Variants in HACL1 observed in about 807,000 individuals in gnomAD.
HACL1 encodes the protein 2-hydroxyacyl-CoA lyase 1.
HACL1 carries 64 observed loss-of-function variants against 74.2 expected under a neutral mutation model. That is an observed-to-expected ratio of 0.86 (90% confidence interval 0.70 to 1.06). HACL1 has a LOEUF of 1.06. HACL1 is among the 50% of genes least tolerant of loss of function. The pLI, the probability that HACL1 is intolerant of heterozygous loss-of-function variation, is 0.00. For synonymous variants in HACL1, 230 were observed against 238.8 expected, an observed-to-expected ratio of 0.96 and a Z score of 0.34; for missense variants, 728 against 719.7, an observed-to-expected ratio of 1.01 and a Z score of -0.13.
chr3:15,567,987 A>G lies in HACL1; in HGVS notation c.1266T>C (p.Thr422=), dbSNP rs1046122592. 6.2e-7 allele frequency: 1 copy of G among 1,614,194 alleles called. No individual in the cohort carries two copies. Among genetic ancestry groups the G allele is most frequent in the Non-Finnish European group, 8.5e-7 (1 of 1,180,004 alleles). The change falls in exon 14 of 17, where the codon ACT becomes ACC. Residue 422 remains threonine, a synonymous_variant. Coordinates refer to ENST00000321169, the MANE Select transcript of HACL1 (RefSeq NM_012260.4). ...YLPRHRLDAG[T]FGTMGVGLGF... is the part of the protein sequence containing the mutation. ...CCAAACCAACTCCCATTGTTCCGAA[A>G]GTACCAGCATCAAGCCTGTTGGAGA...
At chr3:15,563,681 A>G in intron 15 of HACL1, 137 bp from the exon 16 acceptor site, 1 of 609,226 alleles carries the variant, frequency 1.6e-6, no homozygotes. Context: ...TTAAGCTGAG[A>G]TGCCAGTACA....
rs62243582 is a variant in HACL1 at position 15,581,750 on chromosome 3, G to A, written c.667+1127C>T. Among the ~76,000 whole-genome samples, 400 of 152,188 alleles carry A rather than the reference G, an allele frequency of 2.6e-3. 1 individual carries two copies. The highest frequency in any genetic ancestry group is 4.8e-3 in the Non-Finnish European group (324 of 68,002). On this transcript the variant is annotated intron_variant, in intron 8 of 16. Transcript: ENST00000321169. ...TGTACACACCACGCAAGAACATACCGCACTTACTTGTTACCAGGTCTATCT... is the reference window on the plus strand; with the variant it reads ...TGTACACACCACGCAAGAACATACCACACTTACTTGTTACCAGGTCTATCT...
In HACL1 at chr3:15,601,386, C is replaced by T; in HGVS notation, c.78G>A (p.Thr26=). ...GAKVIAQALK[T]QDVEYIFGIV... is the part of the protein sequence containing the mutation. ...ATTCCAGGAAGGTCCATCGTACTTGCGTTTTCAGGGCCTGAGCGATGACTT... is the reference window on the plus strand; with the variant it reads ...ATTCCAGGAAGGTCCATCGTACTTGTGTTTTCAGGGCCTGAGCGATGACTT... The change falls in exon 1 of 17, where the codon ACG becomes ACA. Residue 26 remains threonine (T), a synonymous_variant. Transcript: ENST00000321169. 1 of 1,614,140 alleles carries T rather than the reference C, an allele frequency of 6.2e-7. No individual in the cohort carries two copies. Among genetic ancestry groups the T allele is most frequent in the Non-Finnish European group, 8.5e-7 (1 of 1,180,036 alleles).
At chr3:15,564,441 C>T (rs756737585) in intron 15 of HACL1, 110 bp downstream of exon 15, 129 of 597,544 alleles carry the variant, frequency 2.2e-4, no homozygotes, top group Admixed American at 8.5e-4. Flanking sequence ...ACAATCGAAA[C>T]GGACAATACT....
intron 9 of HACL1, among the ~76,000 whole-genome samples, chr3:15,576,373 A>G (rs1161756025): frequency 1.3e-5 from 2 of 152,048 alleles, no homozygotes; most frequent in Admixed American, 6.6e-5. Flanking sequence ...TATTTTTAAG[A>G]CTATTGATTC....
intron 11 of HACL1, among the ~76,000 whole-genome samples, chr3:15,572,249 T>C (rs1010003421): frequency 1.3e-5 from 2 of 152,230 alleles, no homozygotes; most frequent in Non-Finnish European, 2.9e-5. Flanking sequence ...TTCTTCCAGT[T>C]AGTAAACACC....
chr3:15,566,270 A>G (rs184294605), intron 14 of HACL1, among the ~76,000 whole-genome samples: 2 of 152,338 alleles, frequency 1.3e-5, no homozygotes, highest in East Asian at 3.9e-4. Context: ...ATCCTTCTAT[A>G]GTGAGGATCT....
intron 10 of HACL1, among the ~76,000 whole-genome samples, 156 bp downstream of exon 10, chr3:15,574,821 C>T (rs2063594302): frequency 6.6e-6 from 1 of 152,130 alleles, no homozygotes; most frequent in Admixed American, 6.5e-5. Flanking sequence ...TATTTTGGTA[C>T]CTATAATTAT....
rs779941935 is a variant in HACL1 at position 15,563,399 on chromosome 3, T to C, written c.1663A>G (p.Ile555Val). The C allele has an allele frequency of 7.4e-6, 12 of 1,613,798 alleles. No homozygotes were observed. Among genetic ancestry groups the C allele is most frequent in the East Asian group, 4.5e-5 (2 of 44,898 alleles). ...SLADTTKPSL[I>V]NIMIEPQATR... The stretch of plus-strand genomic sequence containing the variant: ...GCTTGTGGCTCAATCATGATGTTGA[T>C]AAGAGAAGGTTTAGTTGTGTCTGCT... Residue 555 changes from isoleucine to valine, a missense_variant, in exon 16 of 17, where the codon ATC becomes GTC. Ile to Val is a conservative substitution (Grantham distance 29). Transcript: ENST00000321169.
chr3:15,584,268 G>A (rs956888969), intron 7 of HACL1, among the ~76,000 whole-genome samples: 6 of 152,074 alleles, frequency 3.9e-5, no homozygotes, highest in African/African-American at 7.2e-5. Flanking sequence ...ATAAACAAGT[G>A]TCTTTTTTAT....
chr3:15,592,361 T>TACATACAGACACAC (rs2063939353), intron 3 of HACL1, among the ~76,000 whole-genome samples: 1 of 150,956 alleles, frequency 6.6e-6, no homozygotes, highest in African/African-American at 2.4e-5. Context: ...TCTATATATA[T>TACATACAGACACAC]GTATACATAC....
chr3:15,567,878 C>T lies in HACL1; in HGVS notation c.1375G>A (p.Gly459Arg), dbSNP rs145006644. The T allele has an allele frequency of 1.2e-6, 2 of 1,613,942 alleles. No individual in the cohort carries two copies. The highest frequency in any genetic ancestry group is 2.2e-5 in the East Asian group (1 of 44,894). The change falls in exon 14 of 17, where the codon GGG becomes AGG. Residue 459 changes from glycine (G) to arginine (R), a missense_variant. Physicochemically the swap from Gly to Arg is moderately radical, Grantham distance 125. Transcript: ENST00000321169. ...IICVEGDSAF[G>R]FSGMEVETIC... ...GTTTCTACCTCCATGCCAGAAAACC[C>T]AAATGCACTGTCTCCTTCCACACAG...
intron 6 of HACL1, 39 bp from the exon 7 acceptor site, chr3:15,585,381 C>G (rs779470237): frequency 8.9e-7 from 1 of 1,124,984 alleles, no homozygotes; most frequent in South Asian, 1.3e-5. Context: ...TTTGTAAAAT[C>G]TCAGTCTTAT....
chr3:15,574,943 C>G (rs1362685524), intron 10 of HACL1, 34 bp downstream of exon 10: 1 of 923,282 alleles, frequency 1.1e-6, no homozygotes, highest in Admixed American at 1.7e-5. Flanking sequence ...TGAACATAGA[C>G]ATTTCTGATT....
intron 12 of HACL1, among the ~76,000 whole-genome samples, chr3:15,569,358 A>C (rs1179201895): frequency 6.6e-6 from 1 of 152,242 alleles, no homozygotes; most frequent in East Asian, 1.9e-4. Flanking sequence ...TATGCGAAAG[A>C]AAAGATTAGT....
chr3:15,592,631 C>T (rs2063966007), intron 3 of HACL1, among the ~76,000 whole-genome samples: 1 of 32,214 alleles, frequency 3.1e-5, no homozygotes, highest in African/African-American at 1.4e-4. Context: ...CACATGTACG[C>T]ACATGTGTGC....
intron 12 of HACL1, among the ~76,000 whole-genome samples, chr3:15,570,551 G>C (rs953241465): frequency 3.3e-5 from 5 of 150,830 alleles, no homozygotes; most frequent in Admixed American, 2.0e-4. Flanking sequence ...ACTGCACCCA[G>C]CTGAACAAAG....
At position 15,601,394 on chromosome 3, in the gene HACL1, G is replaced by C; in HGVS notation, c.70C>G (p.Leu24Val). The change falls in exon 1 of 17, where the codon CTG becomes GTG. Residue 24 changes from leucine (L) to valine (V), a missense_variant. By Grantham distance (32) the Leu-to-Val change is conservative. Transcript: ENST00000321169. The stretch of plus-strand genomic sequence containing the variant: ...AAGGTCCATCGTACTTGCGTTTTCA[G>C]GGCCTGAGCGATGACTTTAGCACCA... ...VSGAKVIAQA[L>V]KTQDVEYIFG... is the part of the protein sequence containing the mutation. 1 of 1,614,044 alleles carries C rather than the reference G, an allele frequency of 6.2e-7. No individual in the cohort carries two copies. Among genetic ancestry groups the C allele is most frequent in the Non-Finnish European group, 8.5e-7 (1 of 1,180,034 alleles).
rs1559561759 is a variant in HACL1 at position 15,592,486 on chromosome 3, T to TA, written c.228-807_228-806insT. ...TACATACACACACGTATACATACAC[T>TA]TGTATACATATACACTTGTATATAC... On this transcript the variant is annotated intron_variant, in intron 3 of 16. Coordinates refer to ENST00000321169, the MANE Select transcript of HACL1 (RefSeq NM_012260.4). 6.4e-4 allele frequency among the ~76,000 whole-genome samples: 68 copies of TA among 105,876 alleles called. 3 individuals carry two copies. The highest frequency in any genetic ancestry group is 5.9e-3 in the East Asian group (20 of 3,408). The allele number at this position is 105,876 out of a possible 152,430, so 69.5% of individuals were successfully genotyped here. A position where few individuals can be genotyped will look rare whatever the true frequency, so the allele number is the denominator to read the frequency against.
Sources: allele counts gnomAD v4.1 joint callset (sites outside exome capture counted in the v4.1 genomes callset), GRCh38; gene constraint gnomAD v4.1.1; transcripts MANE v1.5; gene names NCBI Gene and HGNC (gene_info 2026-07-23, HGNC 2026-07-21).